The following HTT variants were observed in gnomAD, a reference collection of about 807,000 sequenced individuals.
HTT encodes huntingtin, also known as huntington disease protein.
HTT carries 104 observed loss-of-function variants against 362.3 expected under a neutral mutation model. The observed-to-expected ratio is 0.29, with a 90% CI of 0.24 to 0.34. The LOEUF (loss-of-function observed/expected upper bound fraction) is 0.34. Among genes scored for constraint, HTT ranks in the 10% least tolerant of loss-of-function variants. The probability of loss-of-function intolerance (pLI) is 1.00; values close to 1 mark genes in which losing one functional copy is unlikely to be tolerated. For missense variants in HTT, 3,301 were observed against 3,928.6 expected (o/e 0.84, Z 4.27); for synonymous variants, 1,577 against 1,548.7 (o/e 1.02, Z -0.43).
At chr4:3,210,009 A>T in intron 47 of HTT, 60 bp downstream of exon 47, 2 of 1,590,768 alleles carry the variant, frequency 1.3e-6, no homozygotes, top group South Asian at 2.2e-5. Flanking sequence ...TCCAAGTGGG[A>T]TTTGTCTCAT....
rs1213051398 is a variant in HTT, at chr4:3,189,037, T to C, written c.5312T>C (p.Phe1771Ser). The C allele has an allele frequency of 2.5e-6, 4 of 1,614,174 alleles. No individual in the cohort carries two copies. The highest frequency in any genetic ancestry group is 3.4e-6 in the Non-Finnish European group (4 of 1,179,994). ...GAAATGAGTGAGCAGCAACATACTTTCTATTGCCAGGAACTAGGCACACTG... is the reference window on the plus strand; with the variant it reads ...GAAATGAGTGAGCAGCAACATACTTCCTATTGCCAGGAACTAGGCACACTG... ...KVEMSEQQHT[F>S]YCQELGTLLM... is the part of the protein sequence containing the mutation. The change falls in exon 40 of 67, where the codon TTC (phenylalanine) becomes TCC (serine). Residue 1771 changes from phenylalanine to serine, a missense_variant. Phe to Ser is a radical substitution (Grantham distance 155, BLOSUM62 -2). Transcript: ENST00000355072.
At chr4:3,151,932 A>C (rs1184453857) in intron 26 of HTT, among the ~76,000 whole-genome samples, 3 of 151,990 alleles carry the variant, frequency 2.0e-5, no homozygotes, top group African/African-American at 7.3e-5. Context: ...TAAAAAATTT[A>C]ATTTAATTTT....
chr4:3,213,090 T>C, intron 49 of HTT: 1 of 223,074 alleles, frequency 4.5e-6, no homozygotes. Flanking sequence ...CCAGAATGTG[T>C]ACACGTTCTG....
At chr4:3,212,446 C>T (rs977519905) in intron 48 of HTT, 118 bp from the exon 49 acceptor site, 1 of 1,282,430 alleles carries the variant, frequency 7.8e-7, no homozygotes, top group Non-Finnish European at 1.1e-6. Flanking sequence ...GTAGATGTGC[C>T]ACTGAGGAAC....
chr4:3,212,846 A>G (rs1720228556), intron 49 of HTT, 137 bp downstream of exon 49: 11 of 888,322 alleles, frequency 1.2e-5, no homozygotes, highest in Non-Finnish European at 1.7e-5. Context: ...CCTGGCAGTA[A>G]GTCTTGTCAC....
Position 3,220,263 on chromosome 4 carries a change from G to A in HTT, c.7324G>A (p.Glu2442Lys). ...TGAGATCCCCGTGGAGTTCCTCCAG[G>A]AAAAGGAAGTCTTTAAGGAGTTCAT... ...FPEIPVEFLQ[E>K]KEVFKEFIYR... is the part of the protein sequence containing the mutation. Residue 2442 changes from glutamate (E) to lysine (K), a missense_variant, in exon 53 of 67, where the codon GAA (glutamate) becomes AAA (lysine). Coordinates refer to ENST00000355072, the MANE Select transcript of HTT (RefSeq NM_001388492.1). 1 of 1,614,144 alleles carries A rather than the reference G, an allele frequency of 6.2e-7. No homozygotes were observed. Among genetic ancestry groups the A allele is most frequent in the East Asian group, 2.2e-5 (1 of 44,876 alleles).
intron 26 of HTT, 21 bp downstream of exon 26, chr4:3,148,228 T>C: frequency 6.6e-7 from 1 of 1,525,488 alleles, no homozygotes; most frequent in Non-Finnish European, 8.9e-7. Context: ...ACTTGGGTGC[T>C]GGATTCATAC....
chr4:3,151,241 A>G (rs1263925996), intron 26 of HTT, among the ~76,000 whole-genome samples: 2 of 152,164 alleles, frequency 1.3e-5, no homozygotes, highest in African/African-American at 2.4e-5. Context: ...ACAGTTCTGC[A>G]GGCTGTACAG....
In HTT at chr4:3,157,214, A is replaced by C; in HGVS notation, c.3753+15A>C. 1.2e-6 allele frequency: 2 copies of C among 1,604,922 alleles called. No individual in the cohort carries two copies. The highest frequency in any genetic ancestry group is 8.5e-7 in the Non-Finnish European group (1 of 1,176,594). On this transcript the variant is annotated intron_variant, in intron 28 of 66. Transcript: ENST00000355072. Reference sequence around the variant, plus strand: ...CTAACTACAAGGTATGGGCCTCTGCATCTTTTAAAAATATATATGCACACA... The same window carrying C: ...CTAACTACAAGGTATGGGCCTCTGCCTCTTTTAAAAATATATATGCACACA...
intron 5 of HTT, among the ~76,000 whole-genome samples, chr4:3,106,201 CA>C (rs1471221292): frequency 6.6e-6 from 1 of 152,094 alleles, no homozygotes; most frequent in Admixed American, 6.5e-5. Context: ...ACAAAAAATA[CA>C]AAACTTAGCC....
intron 10 of HTT, among the ~76,000 whole-genome samples, chr4:3,124,428 A>G (rs1255420569): frequency 6.6e-6 from 1 of 152,160 alleles, no homozygotes; most frequent in African/African-American, 2.4e-5. Context: ...ATCCTTTTTA[A>G]GTGAAATCTG....
At chr4:3,131,106 G>A (rs758288273) in intron 14 of HTT, among the ~76,000 whole-genome samples, 180 bp from the exon 15 acceptor site, 2 of 151,904 alleles carry the variant, frequency 1.3e-5, no homozygotes, top group African/African-American at 4.8e-5. Flanking sequence ...CCTCTGACTT[G>A]TCTGTTTCTG....
In HTT at chr4:3,125,566, G is replaced by A; in HGVS notation, c.1339G>A (p.Glu447Lys). The A allele has an allele frequency of 6.2e-7, 1 of 1,613,410 alleles. No homozygotes were observed. The highest frequency in any genetic ancestry group is 8.5e-7 in the Non-Finnish European group (1 of 1,179,372). ...TTTACTAGGCAAAGTGCTCTTAGGA[G>A]AAGAAGAAGCCTTGGAGGATGACTC... Reference protein sequence around the residue: ...RKQKGKVLLGEEEALEDDSES... With the variant: ...RKQKGKVLLGKEEALEDDSES... Residue 447 changes from glutamate to lysine, a missense_variant, in exon 11 of 67, where the codon GAA (glutamate) becomes AAA (lysine). Physicochemically the swap from Glu to Lys is moderately conservative, Grantham distance 56 (BLOSUM62 1). Coordinates refer to ENST00000355072, the MANE Select transcript of HTT (RefSeq NM_001388492.1).
chr4:3,138,406 T>G (rs1467171902), intron 21 of HTT, among the ~76,000 whole-genome samples: 1 of 152,068 alleles, frequency 6.6e-6, no homozygotes, highest in Non-Finnish European at 1.5e-5. Flanking sequence ...TTCCGCCTTG[T>G]GAGTCTCCAA....
Position 3,228,919 on chromosome 4 carries a change from G to T in HTT, c.8019G>T (p.Gln2673His), listed in dbSNP as rs1387651792. The change falls in exon 59 of 67, where the codon CAG becomes CAT. Residue 2673 changes from glutamine to histidine, a missense_variant. Physicochemically the swap from Gln to His is conservative, Grantham distance 24. Coordinates refer to ENST00000355072, the MANE Select transcript of HTT (RefSeq NM_001388492.1). The surrounding 1 kb of genome is among the most constrained non-coding windows in gnomAD (Gnocchi z 4.3). ...GAGTTGACATCCACTCCTGTTCGCA[G>T]TTTTTGCTTGAGTTGTACAGCCGCT... is the stretch of plus-strand genomic sequence containing the variant. ...RAGVDIHSCS[Q>H]FLLELYSRWI... 3.1e-6 allele frequency: 5 copies of T among 1,613,818 alleles called. No individual in the cohort carries two copies. The highest frequency in any genetic ancestry group is 4.2e-6 in the Non-Finnish European group (5 of 1,179,830).
intron 61 of HTT, among the ~76,000 whole-genome samples, chr4:3,234,462 G>A (rs1399893742): frequency 6.6e-6 from 1 of 152,270 alleles, no homozygotes; most frequent in Non-Finnish European, 1.5e-5. Flanking sequence ...AGGCACATAT[G>A]TTGGTGCAGT....
chr4:3,172,970 C>T lies in HTT; in HGVS notation c.4005C>T (p.Pro1335=). Reference sequence around the variant, plus strand: ...AGTTTGATGGCTTATCTTCCAACCCCAGCAAGTCACAAGGCCGAGCACAGC... The same window carrying T: ...AGTTTGATGGCTTATCTTCCAACCCTAGCAAGTCACAAGGCCGAGCACAGC... ...ASQFDGLSSN[P]SKSQGRAQRL... is the part of the protein sequence containing the mutation. Residue 1335 remains proline, a synonymous_variant, in exon 31 of 67, where the codon CCC becomes CCT. Transcript: ENST00000355072. The T allele has an allele frequency of 3.1e-6, 5 of 1,614,204 alleles. No homozygotes were observed. The highest frequency in any genetic ancestry group is 4.2e-6 in the Non-Finnish European group (5 of 1,180,044).
At chr4:3,160,919 ATTTG>A (rs1307957124) in intron 29 of HTT, among the ~76,000 whole-genome samples, 3 of 151,800 alleles carry the variant, frequency 2.0e-5, no homozygotes, top group Non-Finnish European at 4.4e-5. Flanking sequence ...TTTTATTTAT[ATTTG>A]TTTATTTATT....
chr4:3,215,616 A>G (rs1454706927), intron 51 of HTT, among the ~76,000 whole-genome samples: 2 of 152,120 alleles, frequency 1.3e-5, no homozygotes, highest in Non-Finnish European at 2.9e-5. Flanking sequence ...GATAATGAAT[A>G]AATAAATGTT....
Sources: allele counts gnomAD v4.1 joint callset (sites outside exome capture counted in the v4.1 genomes callset), GRCh38; gene constraint gnomAD v4.1.1; non-coding constraint Gnocchi (gnomAD v3.1); transcripts MANE v1.5; gene names NCBI Gene and HGNC (gene_info 2026-07-23, HGNC 2026-07-21).